Variants in MCF2L observed in about 807,000 individuals in gnomAD.
MCF2L encodes guanine nucleotide exchange factor DBS.
Under a neutral mutation model 153.4 loss-of-function variants are expected in MCF2L, and 97 were observed. That is an observed-to-expected ratio of 0.63 (90% confidence interval 0.54 to 0.75). The LOEUF (loss-of-function observed/expected upper bound fraction) is 0.75. Among genes scored for constraint, MCF2L ranks in the 30% least tolerant of loss-of-function variants. The pLI, the probability that MCF2L is intolerant of heterozygous loss-of-function variation, is 0.00. For synonymous variants in MCF2L, 659 were observed against 632.2 expected (o/e 1.04, Z -0.64); for missense variants, 1,347 against 1,495.2 (o/e 0.90, Z 1.64).
chr13:112,972,134 G>A (rs1479637668), intron 1 of MCF2L, among the ~76,000 whole-genome samples: 1 of 152,192 alleles, frequency 6.6e-6, no homozygotes, highest in African/African-American at 2.4e-5. Flanking sequence ...TTTAAATCTA[G>A]CCCCACCTTT....
In MCF2L at chr13:112,960,380, C is replaced by A. The variant is rs1457236399; in HGVS notation, c.170-54383C>A. ...GGTCACCTCTTCTTAGGCCCCATGT[C>A]CCAGCACGGCGGCATTGGGGGTGAG... On this transcript the variant is annotated intron_variant, in intron 2 of 29. Transcript: ENST00000375608. The surrounding 1 kb of genome is among the most constrained non-coding windows in gnomAD (Gnocchi z 4.2). Among the ~76,000 whole-genome samples the A allele has an allele frequency of 6.6e-6, 1 of 152,216 alleles. No individual in the cohort carries two copies. The highest frequency in any genetic ancestry group is 1.5e-5 in the Non-Finnish European group (1 of 68,038).
chr13:112,939,009 A>G (rs2081549658), intron 2 of MCF2L, among the ~76,000 whole-genome samples: 1 of 152,210 alleles, frequency 6.6e-6, no homozygotes, highest in Non-Finnish European at 1.5e-5. Flanking sequence ...TCCCTCTTGC[A>G]CGAGGACAGG....
At chr13:112,894,516 G>C (rs1204684637) in intron 1 of MCF2L, 3 of 151,826 alleles carry the variant, frequency 2.0e-5, no homozygotes, top group African/African-American at 7.3e-5. Context: ...CGTCGCGGTC[G>C]CTCCCGGAGC....
intron 1 of MCF2L, among the ~76,000 whole-genome samples, chr13:113,006,389 T>C (rs554625890): frequency 6.6e-6 from 1 of 152,304 alleles, no homozygotes; most frequent in East Asian, 1.9e-4. Flanking sequence ...CTCAATGCAC[T>C]GGAGCCAGGT....
chr13:112,980,565 C>T (rs2082372866), intron 1 of MCF2L, among the ~76,000 whole-genome samples: 1 of 151,140 alleles, frequency 6.6e-6, no homozygotes, highest in Non-Finnish European at 1.5e-5. Context: ...CGATGCCTGA[C>T]TGTCCTGGGG....
upstream of MCF2L, among the ~76,000 whole-genome samples, chr13:112,964,361 G>A (rs572883453): frequency 3.2e-4 from 48 of 152,290 alleles, no homozygotes; most frequent in Admixed American, 1.3e-3. Flanking sequence ...AGCAATACCC[G>A]GGCTGCCCCC....
At chr13:112,957,170 C>G (rs898707949) in intron 2 of MCF2L, 3 of 152,062 alleles carry the variant, frequency 2.0e-5, no homozygotes, top group Non-Finnish European at 4.4e-5. Context: ...ATGGGAGAAT[C>G]CTCCCCTACC....
At chr13:113,083,717 G>A (rs1286867548) in intron 17 of MCF2L, among the ~76,000 whole-genome samples, 2 of 152,218 alleles carry the variant, frequency 1.3e-5, no homozygotes, top group Non-Finnish European at 2.9e-5. Context: ...TTTGCCTGCG[G>A]CCCTGTGAGC....
chr13:113,087,661 T>G (rs1427636319), intron 22 of MCF2L, 46 bp from the exon 23 acceptor site: 2 of 1,489,628 alleles, frequency 1.3e-6, no homozygotes, highest in Non-Finnish European at 1.9e-6. Flanking sequence ...AACAAGGCAG[T>G]GGGTTCACTG....
chr13:113,089,176 C>G (rs866975800), intron 25 of MCF2L, among the ~76,000 whole-genome samples: 6 of 119,680 alleles, frequency 5.0e-5, no homozygotes, highest in East Asian at 2.8e-4. Context: ...CCCGCCCCCC[C>G]CCCCGCCCCC....
intron 21 of MCF2L, 26 bp from the exon 22 acceptor site, chr13:113,087,209 A>G (rs2034718044): frequency 1.2e-6 from 2 of 1,600,682 alleles, no homozygotes; most frequent in East Asian, 4.5e-5. Flanking sequence ...CCCGTCCTGA[A>G]CACAGCCCTG....
chr13:112,898,869 G>A (rs1323535339), intron 1 of MCF2L, among the ~76,000 whole-genome samples: 2 of 152,134 alleles, frequency 1.3e-5, no homozygotes, highest in Non-Finnish European at 2.9e-5. Flanking sequence ...CTGAGCTTCT[G>A]CCCCTATCCT....
At chr13:112,972,043 G>A (rs1231325831) in intron 1 of MCF2L, among the ~76,000 whole-genome samples, 1 of 152,186 alleles carries the variant, frequency 6.6e-6, no homozygotes, top group African/African-American at 2.4e-5. Flanking sequence ...TCTGGGGTAG[G>A]GTCTGATAAT....
At chr13:113,029,364 A>G (rs1166893066) in intron 3 of MCF2L, among the ~76,000 whole-genome samples, 1 of 152,210 alleles carries the variant, frequency 6.6e-6, no homozygotes, top group African/African-American at 2.4e-5. Context: ...AATTCTTGAC[A>G]CATTTCTAAG....
chr13:112,975,498 G>A (rs2082183189), intron 1 of MCF2L, among the ~76,000 whole-genome samples: 1 of 152,224 alleles, frequency 6.6e-6, no homozygotes, highest in East Asian at 1.9e-4. Flanking sequence ...AATCAAATGA[G>A]TTAAATCTGC....
chr13:112,973,588 C>G (rs79416102), intron 1 of MCF2L, among the ~76,000 whole-genome samples: 7,098 of 152,268 alleles, frequency 0.047, 291 homozygotes, highest in Admixed American at 0.061. Context: ...CTCCTGAGAA[C>G]GCAGCGCTCA....
At chr13:112,906,524 G>C (rs1040795008) in intron 2 of MCF2L, among the ~76,000 whole-genome samples, 2 of 152,226 alleles carry the variant, frequency 1.3e-5, no homozygotes, top group Non-Finnish European at 2.9e-5. Flanking sequence ...CATGGGGTGC[G>C]TGTGGAGCTT....
intron 2 of MCF2L, among the ~76,000 whole-genome samples, chr13:112,953,770 C>T (rs1402897177): frequency 6.6e-6 from 1 of 152,228 alleles, no homozygotes; most frequent in Non-Finnish European, 1.5e-5. Flanking sequence ...AGACCTGGGG[C>T]TGAGCCTGAC....
intron 2 of MCF2L, chr13:112,909,816 T>C (rs1280708008): frequency 1.3e-5 from 2 of 153,374 alleles, no homozygotes; most frequent in Non-Finnish European, 2.9e-5. Flanking sequence ...AATTTTTGTA[T>C]TTTTAGTAGA....
Sources: gnomAD v4.1 joint callset for allele counts (sites outside exome capture counted in the v4.1 genomes callset) on GRCh38, gnomAD v4.1.1 for gene constraint, Gnocchi (gnomAD v3.1) non-coding constraint, MANE v1.5 for transcripts, NCBI Gene and HGNC (gene_info 2026-07-23, HGNC 2026-07-21) for gene names.